CELF2: variants seen among roughly 807,000 people sequenced by gnomAD.
The protein encoded by CELF2 is CUGBP Elav-like family member 2, also known as CUG triplet repeat RNA-binding protein 2.
A neutral mutation model predicts 62.6 loss-of-function variants in CELF2; 8 were observed. The ratio of observed to expected loss-of-function variants is 0.13; its 90% CI spans 0.07 to 0.23. The LOEUF is 0.23. Ranked by LOEUF, CELF2 falls within the 10% of genes least tolerant of loss-of-function variation. The pLI, the probability that CELF2 is intolerant of heterozygous loss-of-function variation, is 1.00. For missense variants in CELF2, 333 were observed against 671.0 expected (o/e 0.50, Z 5.56); for synonymous variants, 258 against 250.0 (o/e 1.03, Z -0.30).
the CELF2 span, among the ~76,000 whole-genome samples, chr10:10,528,276 AGGC>A: frequency 2.2e-4 from 33 of 152,322 alleles, no homozygotes; most frequent in Admixed American, 6.5e-4. Context: ...AAAGAACAAA[AGGC>A]ACAGATTGCT....
intron 3 of CELF2, among the ~76,000 whole-genome samples, chr10:11,236,191 A>G (rs750042926): frequency 3.3e-5 from 5 of 152,352 alleles, no homozygotes; most frequent in East Asian, 1.9e-4. Flanking sequence ...GTGCTTTTCC[A>G]TTGATTTCAT....
the CELF2 span, among the ~76,000 whole-genome samples, chr10:10,560,076 C>T: frequency 6.6e-6 from 1 of 152,140 alleles, no homozygotes; most frequent in Non-Finnish European, 1.5e-5. Flanking sequence ...TCGAAATCCT[C>T]AATCTGGCTG....
At chr10:10,565,609 T>A in the CELF2 span, among the ~76,000 whole-genome samples, 1 of 152,194 alleles carries the variant, frequency 6.6e-6, no homozygotes, top group Non-Finnish European at 1.5e-5. Flanking sequence ...ACTCTCTGGG[T>A]CATTCCTGGA....
chr10:10,917,387 T>A (rs2134579703), intron 1 of CELF2, among the ~76,000 whole-genome samples: 1 of 152,230 alleles, frequency 6.6e-6, no homozygotes, highest in East Asian at 1.9e-4. Flanking sequence ...CAGACTGGAG[T>A]GGACTGGTGT....
At chr10:10,882,439 G>T (rs971691685) in intron 1 of CELF2, among the ~76,000 whole-genome samples, 2 of 152,184 alleles carry the variant, frequency 1.3e-5, no homozygotes, top group East Asian at 3.8e-4. Context: ...AAGGTGTTCT[G>T]TTGTCACTAA....
chr10:10,997,770 C>T lies in CELF2; in HGVS notation c.89+77771C>T, dbSNP rs755218939. Among the ~76,000 whole-genome samples the T allele has an allele frequency of 6.6e-6, 1 of 152,200 alleles. No individual in the cohort carries two copies. The highest frequency in any genetic ancestry group is 1.9e-4 in the East Asian group (1 of 5,188). ...AGAAAAGAACCTCCCTCACGGGCCC[C>T]GTAGTCGCTCACTTGTAGGGTGGTC... On this transcript the variant is annotated intron_variant, in intron 2 of 13. Coordinates refer to the CELF2 transcript ENST00000636488. The surrounding 1 kb of genome is among the most constrained non-coding windows in gnomAD (Gnocchi z 5.3).
At position 11,159,728 on chromosome 10, in the gene CELF2, C is replaced by T. The variant is rs1037355634; in HGVS notation, c.75-5758C>T. Among the ~76,000 whole-genome samples, 4 of 152,236 alleles carry T rather than the reference C, an allele frequency of 2.6e-5. No homozygotes were observed. Among genetic ancestry groups the T allele is most frequent in the African/African-American group, 9.7e-5 (4 of 41,444 alleles). ...TACCCGCCGGAGGCACCAGGCCCAT[C>T]GCCAGGTTCTTTCTGCTTTTGCCTT... is the stretch of plus-strand genomic sequence containing the variant. On this transcript the variant is annotated intron_variant, in intron 1 of 12. Coordinates refer to ENST00000633077, the MANE Select transcript of CELF2 (RefSeq NM_001326342.2). The surrounding 1 kb of genome is among the most constrained non-coding windows in gnomAD (Gnocchi z 5.0).
At position 10,805,513 on chromosome 10, in the gene CELF2, T is replaced by G. The variant is rs1032998286; in HGVS notation, c.53+6696T>G. ...GTGTTGGCTGGAATGCATTGTCAAT[T>G]CTTTTGGCAGCCTGGAGCTTTACGA... On this transcript the variant is annotated intron_variant, in intron 1 of 13. Transcript: ENST00000636488. 9.1e-4 allele frequency among the ~76,000 whole-genome samples: 139 copies of G among 152,282 alleles called. 3 individuals are homozygous for G. Among genetic ancestry groups the G allele is most frequent in the Admixed American group, 9.1e-3 (139 of 15,302 alleles).
the CELF2 span, among the ~76,000 whole-genome samples, chr10:10,756,912 G>C: frequency 6.6e-6 from 1 of 152,184 alleles, no homozygotes; most frequent in African/African-American, 2.4e-5. Context: ...GGGAGGCCAA[G>C]GCAGGCAGAT....
At chr10:10,943,969 A>T (rs201062) in intron 2 of CELF2, among the ~76,000 whole-genome samples, 30,614 of 152,064 alleles carry the variant, frequency 0.2, 4,722 homozygotes, top group African/African-American at 0.42. Flanking sequence ...TGCCTTAAAA[A>T]GTAGTTCTCT....
the CELF2 span, among the ~76,000 whole-genome samples, chr10:10,730,424 C>G: frequency 1.4e-4 from 21 of 152,110 alleles, no homozygotes; most frequent in Non-Finnish European, 2.2e-4. Context: ...TTGCAGTGAG[C>G]CAAGATCGTG....
At chr10:10,534,642 T>C in the CELF2 span, among the ~76,000 whole-genome samples, 1 of 152,098 alleles carries the variant, frequency 6.6e-6, no homozygotes, top group Non-Finnish European at 1.5e-5. Flanking sequence ...GTTCTACGCC[T>C]GTCTTCCCCC....
At position 11,237,698 on chromosome 10, in the gene CELF2, G is replaced by A. The variant is rs977126722; in HGVS notation, c.355-11455G>A. 6.6e-6 allele frequency among the ~76,000 whole-genome samples: 1 copy of A among 152,116 alleles called. No individual in the cohort carries two copies. The highest frequency in any genetic ancestry group is 2.4e-5 in the African/African-American group (1 of 41,408). ...TGTTCATCCCAGTTCCCAAGATGTC[G>A]AGAACTGAGTCACAGTGAGCCCCAC... On this transcript the variant is annotated intron_variant, in intron 3 of 12. Coordinates refer to ENST00000633077, the MANE Select transcript of CELF2 (RefSeq NM_001326342.2). This position sits in a 1 kb window ranked among gnomAD's most constrained non-coding sequence, Gnocchi z 4.0.
intron 1 of CELF2, among the ~76,000 whole-genome samples, chr10:10,857,551 A>C (rs984250128): frequency 6.6e-6 from 1 of 151,052 alleles, no homozygotes; most frequent in South Asian, 2.1e-4. Context: ...TCAAATACTC[A>C]GTCAAACATT....
chr10:11,048,637 A>C (rs992775233), intron 1 of CELF2, among the ~76,000 whole-genome samples: 1 of 152,194 alleles, frequency 6.6e-6, no homozygotes, highest in African/African-American at 2.4e-5. Flanking sequence ...AGCTGTGAAA[A>C]CGCATTCATA....
At chr10:10,585,673 G>A in the CELF2 span, among the ~76,000 whole-genome samples, 1 of 152,170 alleles carries the variant, frequency 6.6e-6, no homozygotes, top group Non-Finnish European at 1.5e-5. Flanking sequence ...ATAAAATGTA[G>A]TTTAAATGAG....
chr10:11,041,393 A>G (rs1380812606), intron 1 of CELF2, among the ~76,000 whole-genome samples: 9 of 152,224 alleles, frequency 5.9e-5, no homozygotes, highest in Admixed American at 3.9e-4. Flanking sequence ...ATGGTAGTAC[A>G]GTATCGAAAC....
intron 1 of CELF2, among the ~76,000 whole-genome samples, chr10:10,861,028 T>C (rs891492852): frequency 6.6e-6 from 1 of 151,920 alleles, no homozygotes; most frequent in African/African-American, 2.4e-5. Flanking sequence ...TCAAGCAGTC[T>C]TCCTGCCTCA....
At chr10:11,184,155 G>T (rs565964001) in intron 2 of CELF2, among the ~76,000 whole-genome samples, 105 of 152,208 alleles carry the variant, frequency 6.9e-4, no homozygotes, top group Non-Finnish European at 1.3e-3. Context: ...AGCACTATTT[G>T]TCCTTTCTCC....
Sources: allele counts gnomAD v4.1 joint callset (sites outside exome capture counted in the v4.1 genomes callset), GRCh38; gene constraint gnomAD v4.1.1; non-coding constraint Gnocchi (gnomAD v3.1); transcripts MANE v1.5; gene names NCBI Gene and HGNC (gene_info 2026-07-23, HGNC 2026-07-21).